Variants in SEMA3A observed in about 807,000 individuals in gnomAD.
SEMA3A encodes the protein semaphorin 3A.
Under a neutral mutation model 97.9 loss-of-function variants are expected in SEMA3A, and 29 were observed. The ratio of observed to expected loss-of-function variants is 0.30; its 90% CI spans 0.22 to 0.40. The LOEUF is 0.40. Ranked by LOEUF, SEMA3A falls within the 10% of genes least tolerant of loss-of-function variation. SEMA3A has a pLI of 1.00. For synonymous variants in SEMA3A, 321 were observed against 323.7 expected, an observed-to-expected ratio of 0.99 and a Z score of 0.09; for missense variants, 763 against 951.3, an observed-to-expected ratio of 0.80 and a Z score of 2.60.
chr7:84,188,400 G>A (rs925423230), intron 1 of SEMA3A, among the ~76,000 whole-genome samples: 10 of 151,920 alleles, frequency 6.6e-5, no homozygotes, highest in African/African-American at 2.4e-4. Context: ...ATAGTAGCTG[G>A]AGACATTCAT....
chr7:83,991,447 G>A (rs893700472), intron 12 of SEMA3A, among the ~76,000 whole-genome samples: 2 of 150,524 alleles, frequency 1.3e-5, no homozygotes, highest in Non-Finnish European at 3.0e-5. Context: ...TATGATATTG[G>A]CTGTGGGTAT....
intron 2 of SEMA3A, among the ~76,000 whole-genome samples, chr7:84,132,276 C>T (rs920901983): frequency 1.8e-4 from 28 of 152,156 alleles, no homozygotes; most frequent in Middle Eastern, 6.8e-3. Flanking sequence ...AAGAAGATCA[C>T]GATTTTGGAC....
At chr7:84,454,750 T>A (rs2116373846) in intron 1 of SEMA3A, among the ~76,000 whole-genome samples, 1 of 150,820 alleles carries the variant, frequency 6.6e-6, no homozygotes, top group Admixed American at 6.7e-5. Context: ...ACTCTGATTT[T>A]TCCTGCCATC....
intron 3 of SEMA3A, among the ~76,000 whole-genome samples, chr7:84,288,785 G>A (rs2115774740): frequency 6.6e-6 from 1 of 152,160 alleles, no homozygotes; most frequent in East Asian, 1.9e-4. Flanking sequence ...GTGGGCATGT[G>A]AATTATTACA....
At chr7:83,991,322 G>A (rs1562958825) in intron 12 of SEMA3A, among the ~76,000 whole-genome samples, 1 of 151,742 alleles carries the variant, frequency 6.6e-6, no homozygotes, top group Non-Finnish European at 1.5e-5. Context: ...TCCTTCTCCT[G>A]CCTAATTGCC....
At chr7:84,439,351 G>A (rs941631785) in intron 1 of SEMA3A, among the ~76,000 whole-genome samples, 7 of 151,942 alleles carry the variant, frequency 4.6e-5, no homozygotes, top group African/African-American at 1.2e-4. Flanking sequence ...TTCATGTGTC[G>A]ACATGGATAA....
chr7:84,007,249 T>G, intron 10 of SEMA3A, 104 bp downstream of exon 10: 1 of 887,232 alleles, frequency 1.1e-6, no homozygotes, highest in Non-Finnish European at 1.6e-6. Flanking sequence ...GAAATCTTTT[T>G]TCTACATTAC....
chr7:84,322,461 G>C (rs900665730), intron 2 of SEMA3A, among the ~76,000 whole-genome samples: 1 of 151,996 alleles, frequency 6.6e-6, no homozygotes, highest in Non-Finnish European at 1.5e-5. Context: ...GGCAGGGCCA[G>C]GTGGAGATAA....
At chr7:84,319,966 T>C (rs1040652812) in intron 2 of SEMA3A, among the ~76,000 whole-genome samples, 1 of 152,180 alleles carries the variant, frequency 6.6e-6, no homozygotes, top group African/African-American at 2.4e-5. Flanking sequence ...ATTAATTCAC[T>C]ACACTGCCAA....
intron 1 of SEMA3A, among the ~76,000 whole-genome samples, chr7:84,377,442 T>C (rs955900333): frequency 6.6e-6 from 1 of 152,160 alleles, no homozygotes; most frequent in Middle Eastern, 3.2e-3. Flanking sequence ...GGGTTCTCTA[T>C]TCTGTTCCAT....
chr7:84,031,398 T>G (rs1791747822), intron 6 of SEMA3A, among the ~76,000 whole-genome samples: 1 of 152,210 alleles, frequency 6.6e-6, no homozygotes, highest in African/African-American at 2.4e-5. Flanking sequence ...AGGTTTCATA[T>G]AATTTTCTGG....
chr7:84,225,443 G>A (rs551308424), intron 3 of SEMA3A, among the ~76,000 whole-genome samples: 13 of 152,156 alleles, frequency 8.5e-5, no homozygotes, highest in Non-Finnish European at 1.2e-4. Context: ...TTGCTTTTGC[G>A]TGACCCATAC....
chr7:84,492,037 C>T (rs1406159829), intron 1 of SEMA3A, among the ~76,000 whole-genome samples: 6 of 151,990 alleles, frequency 3.9e-5, no homozygotes, highest in Admixed American at 2.6e-4. Flanking sequence ...TGAAGAGTAA[C>T]GTAGCAGTAT....
intron 12 of SEMA3A, among the ~76,000 whole-genome samples, chr7:83,987,880 A>G (rs143017707): frequency 2.6e-5 from 4 of 152,262 alleles, no homozygotes; most frequent in Admixed American, 2.0e-4. Context: ...CTCTCATCCA[A>G]TGCCTTCCCT....
At chr7:83,981,282 AC>A (rs1789405126) in intron 14 of SEMA3A, 38 bp downstream of exon 14, 1 of 1,603,316 alleles carries the variant, frequency 6.2e-7, no homozygotes. Context: ...AGATAGGATA[AC>A]TAGCAAACAT....
At chr7:84,358,585 T>C (rs2116053714) in intron 2 of SEMA3A, among the ~76,000 whole-genome samples, 1 of 152,268 alleles carries the variant, frequency 6.6e-6, no homozygotes, top group South Asian at 2.1e-4. Context: ...CCTCCAGCTT[T>C]GTTCTTTTGG....
At chr7:84,061,227 C>T (rs2115687412) in intron 4 of SEMA3A, among the ~76,000 whole-genome samples, 1 of 152,212 alleles carries the variant, frequency 6.6e-6, no homozygotes, top group South Asian at 2.1e-4. Flanking sequence ...ACATTATTAC[C>T]ACGGGAAAGC....
At chr7:84,427,069 AT>A (rs1451892949) in intron 1 of SEMA3A, among the ~76,000 whole-genome samples, 2 of 152,118 alleles carry the variant, frequency 1.3e-5, no homozygotes, top group African/African-American at 4.8e-5. Flanking sequence ...AAAGAAGAAA[AT>A]AATGTTAACG....
upstream of SEMA3A, among the ~76,000 whole-genome samples, chr7:84,197,730 CTTTTTTTTTTTTTTT>C (rs139403623): frequency 1.4e-5 from 1 of 69,344 alleles, no homozygotes; most frequent in African/African-American, 5.8e-5. Flanking sequence ...AAAGATCACT[CTTTTTTTTTTTTTTT>C]TTTTTTTTTT....
Sources: gnomAD v4.1 joint callset for allele counts (sites outside exome capture counted in the v4.1 genomes callset) on GRCh38, gnomAD v4.1.1 for gene constraint, MANE v1.5 for transcripts, NCBI Gene and HGNC (gene_info 2026-07-23, HGNC 2026-07-21) for gene names.